The following GEMIN7 variants were observed in gnomAD, a reference collection of about 807,000 sequenced individuals.
The protein encoded by GEMIN7 is gem nuclear organelle associated protein 7, also known as gem-associated protein 7.
Under a neutral mutation model 7.8 loss-of-function variants are expected in GEMIN7, and 7 were observed. The observed-to-expected ratio is 0.90, with a 90% confidence interval of 0.51 to 1.69. The LOEUF (loss-of-function observed/expected upper bound fraction) is 1.69. Among genes scored for constraint, GEMIN7 ranks in the 40% most tolerant of loss-of-function variants. The probability of loss-of-function intolerance (pLI) is 0.00; values close to 1 mark genes in which losing one functional copy is unlikely to be tolerated. For missense variants in GEMIN7, 159 were observed against 176.2 expected (o/e 0.90, Z 0.55); for synonymous variants, 68 against 72.4 (o/e 0.94, Z 0.31).
chr19:45,078,296 G>A (rs1038652710), upstream of GEMIN7, among the ~76,000 whole-genome samples: 1 of 151,792 alleles, frequency 6.6e-6, no homozygotes, highest in Admixed American at 6.6e-5. Flanking sequence ...CACCATGTTG[G>A]CCAGGCTGGT....
chr19:45,084,415 T>C (rs1967609254), intron 2 of GEMIN7, among the ~76,000 whole-genome samples: 2 of 152,004 alleles, frequency 1.3e-5, no homozygotes, highest in South Asian at 4.1e-4. Flanking sequence ...TTTATTTATT[T>C]ATTTTGAGAC....
At chr19:45,077,335 AC>A (rs1441992409), upstream of GEMIN7, among the ~76,000 whole-genome samples, 4 of 152,024 alleles carry the variant, frequency 2.6e-5, no homozygotes, top group Non-Finnish European at 5.9e-5. Context: ...CGCCATTAAA[AC>A]CAAATAGCCA....
intron 2 of GEMIN7, among the ~76,000 whole-genome samples, chr19:45,083,599 CTTTTTTT>C (rs1184251456): frequency 4.8e-3 from 230 of 48,346 alleles, no homozygotes; most frequent in African/African-American, 0.013. Flanking sequence ...AATTCTTCTT[CTTTTTTT>C]TTTTTTTTTT....
chr19:45,083,214 A>G (rs7253845), intron 2 of GEMIN7, among the ~76,000 whole-genome samples: 109,860 of 152,146 alleles, frequency 0.72, 40,665 homozygotes, highest in African/African-American at 0.84. Flanking sequence ...GGGAAGCTGA[A>G]CTGGGGGTGG....
chr19:45,082,722 G>A (rs557072249), intron 2 of GEMIN7, among the ~76,000 whole-genome samples: 6 of 151,628 alleles, frequency 4.0e-5, no homozygotes, highest in East Asian at 1.9e-4. Flanking sequence ...AGGCTCAAGC[G>A]ATCCCCTCAC....
intron 2 of GEMIN7, among the ~76,000 whole-genome samples, chr19:45,087,977 GC>G (rs1313751227): frequency 3.9e-5 from 1 of 25,322 alleles, no homozygotes; most frequent in Non-Finnish European, 7.5e-5. Flanking sequence ...ACAGAGTCTT[GC>G]TCTGTCGCCC....
upstream of GEMIN7, among the ~76,000 whole-genome samples, chr19:45,078,577 C>T (rs1292159660): frequency 2.0e-5 from 3 of 152,140 alleles, no homozygotes; most frequent in Non-Finnish European, 2.9e-5. Flanking sequence ...ATATTTATTG[C>T]GCACCTACTA....
chr19:45,087,897 T>C (rs1967750893), intron 2 of GEMIN7, among the ~76,000 whole-genome samples: 1 of 151,840 alleles, frequency 6.6e-6, no homozygotes, highest in Non-Finnish European at 1.5e-5. Flanking sequence ...AAGTGTTAGG[T>C]TGTGAATAAA....
At position 45,090,542 on chromosome 19, in the gene GEMIN7, A is replaced by G. The variant is rs1967864771; in HGVS notation, c.*32A>G. ...TGTGTTCACTTTTCTGCTTGAGGCT[A>G]AGGCACTGTATCCCAGGCCTCCCAA... On this transcript the variant is annotated 3_prime_UTR_variant, in exon 3 of 3. Coordinates refer to ENST00000270257, the MANE Select transcript of GEMIN7 (RefSeq NM_024707.3). The G allele has an allele frequency of 1.9e-6, 3 of 1,575,212 alleles. No individual in the cohort carries two copies. Among genetic ancestry groups the G allele is most frequent in the Non-Finnish European group, 2.6e-6 (3 of 1,154,396 alleles).
chr19:45,087,798 A>C (rs1239184403), intron 2 of GEMIN7, among the ~76,000 whole-genome samples: 3 of 152,090 alleles, frequency 2.0e-5, no homozygotes, highest in African/African-American at 7.2e-5. Flanking sequence ...TGAAGGTGGA[A>C]GCCAGGGACC....
intron 2 of GEMIN7, among the ~76,000 whole-genome samples, chr19:45,081,019 A>T (rs535151484): frequency 4.2e-4 from 64 of 152,248 alleles, no homozygotes; most frequent in African/African-American, 1.5e-3. Context: ...TAAAAAATGC[A>T]AGTAGGGCGT....
chr19:45,089,231 C>T (rs1013780799), intron 2 of GEMIN7, among the ~76,000 whole-genome samples: 1 of 152,068 alleles, frequency 6.6e-6, no homozygotes, highest in African/African-American at 2.4e-5. Context: ...TGTGAGCCAC[C>T]GCACCCGGCC....
At chr19:45,086,347 T>C (rs1411255543) in intron 2 of GEMIN7, among the ~76,000 whole-genome samples, 1 of 152,140 alleles carries the variant, frequency 6.6e-6, no homozygotes, top group Non-Finnish European at 1.5e-5. Context: ...CCAACACTTG[T>C]CACTCAGCTC....
At chr19:45,082,082 CA>C (rs1454285172) in intron 2 of GEMIN7, among the ~76,000 whole-genome samples, 2 of 152,134 alleles carry the variant, frequency 1.3e-5, no homozygotes, top group Non-Finnish European at 2.9e-5. Context: ...ATGCAGCAGG[CA>C]GAGGATCCTG....
At chr19:45,076,286 G>C (rs1967349546), upstream of GEMIN7, 1 of 1,467,470 alleles carries the variant, frequency 6.8e-7, no homozygotes. The surrounding 1 kb of genome is among the most constrained non-coding windows in gnomAD (Gnocchi z 4.9). Flanking sequence ...TCGATGACGA[G>C]GTCCTGCATT....
At chr19:45,076,064 CG>C, upstream of GEMIN7, 1 of 1,579,328 alleles carries the variant, frequency 6.3e-7, no homozygotes. The surrounding 1 kb of genome is among the most constrained non-coding windows in gnomAD (Gnocchi z 4.9). Context: ...GCCCAGGGCC[CG>C]GGGTGCTCAC....
chr19:45,084,787 C>T (rs75824242), intron 2 of GEMIN7, among the ~76,000 whole-genome samples: 3,140 of 152,328 alleles, frequency 0.021, 46 homozygotes, highest in South Asian at 0.044. Flanking sequence ...CAGAGTTTCA[C>T]TCTTGTTGCC....
upstream of GEMIN7, chr19:45,076,767 A>T (rs1967364532): frequency 1.6e-5 from 3 of 184,216 alleles, no homozygotes. This position sits in a 1 kb window ranked among gnomAD's most constrained non-coding sequence, Gnocchi z 4.9. Context: ...CACGTTTCTT[A>T]TTAGGTGCCT....
upstream of GEMIN7, among the ~76,000 whole-genome samples, chr19:45,077,409 T>G (rs560688111): frequency 2.0e-4 from 31 of 152,236 alleles, 1 homozygote; most frequent in Middle Eastern, 3.4e-3. Context: ...TTCTGTCTGC[T>G]CACTGTTTGA....
Sources: allele counts gnomAD v4.1 joint callset (sites outside exome capture counted in the v4.1 genomes callset), GRCh38; gene constraint gnomAD v4.1.1; non-coding constraint Gnocchi (gnomAD v3.1); transcripts MANE v1.5; gene names NCBI Gene and HGNC (gene_info 2026-07-23, HGNC 2026-07-21).